TULP4: variants seen among roughly 807,000 people sequenced by gnomAD.
The protein encoded by TULP4 is TUB like protein 4.
Under a neutral mutation model 129.0 loss-of-function variants are expected in TULP4, and 16 were observed. The ratio of observed to expected loss-of-function variants is 0.12; its 90% CI spans 0.08 to 0.19. The LOEUF (loss-of-function observed/expected upper bound fraction) is 0.19, where lower values mean the gene tolerates loss of function less well. Ranked by LOEUF, TULP4 falls within the 10% of genes least tolerant of loss-of-function variation. The pLI, the probability that TULP4 is intolerant of heterozygous loss-of-function variation, is 1.00. For synonymous variants in TULP4, 998 were observed against 854.0 expected (o/e 1.17, Z -2.94); for missense variants, 1,842 against 2,059.1 (o/e 0.89, Z 2.04).
At chr6:158,427,551 T>C (rs1778529838) in intron 2 of TULP4, among the ~76,000 whole-genome samples, 1 of 132,878 alleles carries the variant, frequency 7.5e-6, no homozygotes, top group Non-Finnish European at 1.5e-5. Flanking sequence ...TGGAGTGCAG[T>C]GGCATGATCT....
At chr6:158,347,119 T>C (rs1780331926) in intron 1 of TULP4, among the ~76,000 whole-genome samples, 1 of 152,244 alleles carries the variant, frequency 6.6e-6, no homozygotes, top group African/African-American at 2.4e-5. Context: ...ATAATTGATA[T>C]TAATAATGTG....
chr6:158,477,469 C>T (rs1174053395), intron 6 of TULP4, among the ~76,000 whole-genome samples: 2 of 152,132 alleles, frequency 1.3e-5, no homozygotes, highest in East Asian at 1.9e-4. Flanking sequence ...TGAACAAATA[C>T]TTTTCAAAAG....
At chr6:158,414,123 G>A (rs1778155235) in intron 2 of TULP4, among the ~76,000 whole-genome samples, 1 of 152,194 alleles carries the variant, frequency 6.6e-6, no homozygotes, top group Admixed American at 6.5e-5. Flanking sequence ...AGCAGGCCGA[G>A]GATTTCTGTA....
intron 1 of TULP4, among the ~76,000 whole-genome samples, chr6:158,276,112 GGT>G (rs1778641040): frequency 6.6e-6 from 1 of 152,072 alleles, no homozygotes. Flanking sequence ...TGGGATTACA[GGT>G]GCGCGCCACC....
intron 1 of TULP4, among the ~76,000 whole-genome samples, chr6:158,332,355 G>A (rs1469281180): frequency 6.6e-6 from 1 of 151,860 alleles, no homozygotes; most frequent in Non-Finnish European, 1.5e-5. Flanking sequence ...GTGTGGTTCA[G>A]CCTAGCACAT....
intron 1 of TULP4, among the ~76,000 whole-genome samples, chr6:158,411,012 A>C (rs943551897): frequency 1.3e-5 from 2 of 152,100 alleles, no homozygotes; most frequent in Admixed American, 6.5e-5. Flanking sequence ...CTGTTGTTCA[A>C]ATGCCTTTGG....
At chr6:158,330,672 T>C (rs748097696) in intron 1 of TULP4, among the ~76,000 whole-genome samples, 8 of 152,226 alleles carry the variant, frequency 5.3e-5, no homozygotes, top group Non-Finnish European at 1.2e-4. Context: ...ACTTAAATTA[T>C]TCTCCATACT....
At chr6:158,327,724 A>T (rs1779777275) in intron 1 of TULP4, among the ~76,000 whole-genome samples, 1 of 151,500 alleles carries the variant, frequency 6.6e-6, no homozygotes, top group South Asian at 2.1e-4. Flanking sequence ...TTTTTTAAAG[A>T]GGTGTGTGTG....
intron 10 of TULP4, among the ~76,000 whole-genome samples, chr6:158,494,298 T>C (rs1370425565): frequency 5.9e-5 from 9 of 152,186 alleles, no homozygotes; most frequent in Non-Finnish European, 1.3e-4. Flanking sequence ...GGGGCTGTAT[T>C]TTGTCCATCT....
chr6:158,416,818 G>A (rs1341635718), intron 2 of TULP4, among the ~76,000 whole-genome samples: 1 of 152,174 alleles, frequency 6.6e-6, no homozygotes, highest in African/African-American at 2.4e-5. Flanking sequence ...CCCTTTTATA[G>A]ATGAACCACT....
In TULP4 at chr6:158,461,591, G is replaced by A; in HGVS notation, c.888G>A (p.Gly296=). ...TGGTAGCCCAGTGGTGCACACAGGG[G>A]GACTTGCTGGCAGTCGCTGGGATGG... ...KEVVAQWCTQ[G]DLLAVAGMER... The change falls in exon 6 of 14, where the codon GGG becomes GGA. Residue 296 remains glycine, a synonymous_variant. Coordinates refer to ENST00000367097, the MANE Select transcript of TULP4 (RefSeq NM_020245.5). The A allele has an allele frequency of 6.2e-7, 1 of 1,613,792 alleles. No individual in the cohort carries two copies. The highest frequency in any genetic ancestry group is 8.5e-7 in the Non-Finnish European group (1 of 1,179,906).
chr6:158,459,022 C>A (rs931560852), intron 5 of TULP4, among the ~76,000 whole-genome samples: 17 of 152,240 alleles, frequency 1.1e-4, no homozygotes, highest in African/African-American at 2.4e-4. Context: ...ATGCATGTAG[C>A]TCCATAATCG....
At chr6:158,332,955 A>G (rs911311520) in intron 1 of TULP4, among the ~76,000 whole-genome samples, 3 of 152,190 alleles carry the variant, frequency 2.0e-5, no homozygotes, top group Non-Finnish European at 2.9e-5. Context: ...ACATGCATAT[A>G]TGTATACACA....
At chr6:158,237,937 C>T (rs1777750654) in intron 1 of TULP4, 25 of 727,376 alleles carry the variant, frequency 3.4e-5, no homozygotes, top group South Asian at 3.3e-4. Flanking sequence ...TTCTAGGTCA[C>T]TAATTGCCTC....
chr6:158,293,216 C>T (rs1778974699), intron 1 of TULP4, among the ~76,000 whole-genome samples: 1 of 152,194 alleles, frequency 6.6e-6, no homozygotes, highest in Non-Finnish European at 1.5e-5. Context: ...TGAAAATACA[C>T]CTCTTTGTGA....
intron 8 of TULP4, among the ~76,000 whole-genome samples, chr6:158,487,106 G>A (rs575927740): frequency 1.6e-5 from 1 of 63,904 alleles, no homozygotes. Context: ...AAATTAGCTG[G>A]GTGTGGTGGC....
At chr6:158,484,148 A>G (rs1378730096) in intron 8 of TULP4, among the ~76,000 whole-genome samples, 2 of 151,064 alleles carry the variant, frequency 1.3e-5, no homozygotes, top group Non-Finnish European at 3.0e-5. Context: ...GGCTGGTCTC[A>G]CCTCCTGGAT....
intron 1 of TULP4, among the ~76,000 whole-genome samples, chr6:158,401,427 A>C (rs1777846583): frequency 1.3e-5 from 2 of 152,314 alleles, no homozygotes; most frequent in South Asian, 4.1e-4. Context: ...ACTGTATAAA[A>C]CATAGTGCAT....
At chr6:158,432,110 T>A (rs200728863) in intron 3 of TULP4, among the ~76,000 whole-genome samples, 7,466 of 101,688 alleles carry the variant, frequency 0.073, 175 homozygotes, top group Middle Eastern at 0.11. Context: ...AAAAAAAAAA[T>A]TAAAAAAAAA....
Sources: allele counts gnomAD v4.1 joint callset (sites outside exome capture counted in the v4.1 genomes callset), GRCh38; gene constraint gnomAD v4.1.1; transcripts MANE v1.5; gene names NCBI Gene and HGNC (gene_info 2026-07-23, HGNC 2026-07-21).